Variants in SNAP91 observed in about 807,000 individuals in gnomAD.
SNAP91 encodes the protein clathrin coat assembly protein AP180.
In SNAP91, 27 loss-of-function variants were observed where a neutral mutation model predicts 100.3. That is an observed-to-expected ratio of 0.27 (90% CI 0.20 to 0.37). SNAP91 has a LOEUF of 0.37. Ranked by LOEUF, SNAP91 falls within the 10% of genes least tolerant of loss-of-function variation. SNAP91 has a pLI of 1.00. For synonymous variants in SNAP91, 404 were observed against 398.6 expected, an observed-to-expected ratio of 1.01 and a Z score of -0.16; for missense variants, 986 against 1,123.7, an observed-to-expected ratio of 0.88 and a Z score of 1.75.
intron 6 of SNAP91, among the ~76,000 whole-genome samples, chr6:83,657,240 G>T (rs1348715548): frequency 6.6e-6 from 1 of 151,998 alleles, no homozygotes; most frequent in African/African-American, 2.4e-5. Context: ...AGGCTCCAGG[G>T]GCCTGCAATG....
intron 25 of SNAP91, among the ~76,000 whole-genome samples, chr6:83,575,806 T>C (rs980055741): frequency 6.6e-6 from 1 of 152,184 alleles, no homozygotes; most frequent in Non-Finnish European, 1.5e-5. Flanking sequence ...ATCTCGGAGA[T>C]TGAAATAGAT....
chr6:83,643,293 G>A (rs28488663), intron 7 of SNAP91, among the ~76,000 whole-genome samples: 1 of 152,106 alleles, frequency 6.6e-6, no homozygotes, highest in African/African-American at 2.4e-5. Context: ...GTATTGCCTA[G>A]GTTTTCTTCT....
chr6:83,610,222 A>T (rs2095908507), intron 12 of SNAP91, among the ~76,000 whole-genome samples: 1 of 152,158 alleles, frequency 6.6e-6, no homozygotes, highest in South Asian at 2.1e-4. Context: ...CTACTGATGG[A>T]TGAATGCATG....
At chr6:83,673,162 A>C (rs1015062426) in intron 2 of SNAP91, among the ~76,000 whole-genome samples, 6 of 151,612 alleles carry the variant, frequency 4.0e-5, no homozygotes, top group Non-Finnish European at 5.9e-5. Flanking sequence ...TTTACATCTC[A>C]TTCCTTCCTT....
chr6:83,677,763 T>C (rs150531019), intron 2 of SNAP91, among the ~76,000 whole-genome samples: 2 of 152,314 alleles, frequency 1.3e-5, no homozygotes, highest in East Asian at 3.9e-4. Context: ...TTTGAGTGTT[T>C]TCTTATAAAT....
At chr6:83,557,656 A>C (rs1268022323) in intron 28 of SNAP91, among the ~76,000 whole-genome samples, 1 of 152,182 alleles carries the variant, frequency 6.6e-6, no homozygotes, top group Non-Finnish European at 1.5e-5. Context: ...CCTGGGCAAC[A>C]GAGTGAGAAC....
intron 11 of SNAP91, among the ~76,000 whole-genome samples, chr6:83,614,239 C>A (rs2096336727): frequency 6.6e-6 from 1 of 152,036 alleles, no homozygotes; most frequent in Non-Finnish European, 1.5e-5. Context: ...ACTTAGTAAA[C>A]CCACATAAAT....
At chr6:83,575,241 AT>A (rs1388830295) in intron 25 of SNAP91, 120 bp from the exon 26 acceptor site, 2 of 716,410 alleles carry the variant, frequency 2.8e-6, no homozygotes, top group African/African-American at 3.6e-5. Context: ...GTCAAGTGGT[AT>A]AGTAATAAGA....
intron 2 of SNAP91, among the ~76,000 whole-genome samples, chr6:83,672,085 C>G (rs2098795517): frequency 6.6e-6 from 1 of 152,132 alleles, no homozygotes; most frequent in South Asian, 2.1e-4. Context: ...TATACGGCCT[C>G]TCATCAGAAG....
chr6:83,569,662 T>C (rs1289552691), intron 26 of SNAP91, among the ~76,000 whole-genome samples: 1 of 152,190 alleles, frequency 6.6e-6, no homozygotes, highest in African/African-American at 2.4e-5. Context: ...CCAAGTCTCA[T>C]CTTGAATTCC....
At chr6:83,607,329 T>TTTTGTGTG (rs2095685633) in intron 13 of SNAP91, among the ~76,000 whole-genome samples, 1 of 144,792 alleles carries the variant, frequency 6.9e-6, no homozygotes, top group Admixed American at 6.9e-5. Context: ...CCAAGTTGGG[T>TTTTGTGTG]TGTGTGTGTG....
chr6:83,694,333 C>A (rs1479089617), intron 2 of SNAP91, among the ~76,000 whole-genome samples: 2 of 152,176 alleles, frequency 1.3e-5, no homozygotes, highest in Non-Finnish European at 2.9e-5. Flanking sequence ...CCTCTGTCAG[C>A]CAGATGCATA....
chr6:83,601,670 T>C (rs2095243313), intron 14 of SNAP91, 71 bp from the exon 15 acceptor site: 1 of 1,453,554 alleles, frequency 6.9e-7, no homozygotes, highest in African/African-American at 1.4e-5. Flanking sequence ...ACCATACCAA[T>C]GTCCAAGCCA....
chr6:83,682,689 C>T lies in SNAP91; in HGVS notation c.131-17108G>A, dbSNP rs899383258. On this transcript the variant is annotated intron_variant, in intron 2 of 29. Coordinates refer to ENST00000369694, the MANE Select transcript of SNAP91 (RefSeq NM_001242792.2). Reference sequence around the variant, plus strand: ...TGCTGGTGTGCTGCACCCATTAACTCGTCATTTAGCATTAGGTATATCTCC... The same window carrying T: ...TGCTGGTGTGCTGCACCCATTAACTTGTCATTTAGCATTAGGTATATCTCC... Among the ~76,000 whole-genome samples the T allele has an allele frequency of 5.4e-4, 82 of 151,646 alleles. 1 individual carries two copies. The highest frequency in any genetic ancestry group is 9.9e-4 in the Non-Finnish European group (67 of 67,890).
At chr6:83,656,902 CA>C (rs1562531804) in intron 6 of SNAP91, 37 bp from the exon 7 acceptor site, 1 of 942,326 alleles carries the variant, frequency 1.1e-6, no homozygotes, top group South Asian at 1.6e-5. Flanking sequence ...AGCGGCATAT[CA>C]TTAAGTCTTA....
chr6:83,562,584 T>C (rs1037611764), intron 26 of SNAP91, among the ~76,000 whole-genome samples: 1 of 152,208 alleles, frequency 6.6e-6, no homozygotes, highest in African/African-American at 2.4e-5. Context: ...CATCTAGATA[T>C]CTGCTTCATA....
chr6:83,595,780 T>C (rs936644605), intron 16 of SNAP91, among the ~76,000 whole-genome samples: 5 of 152,212 alleles, frequency 3.3e-5, no homozygotes, highest in Non-Finnish European at 7.4e-5. Context: ...GTGATTTACT[T>C]AGTATATTAG....
chr6:83,685,910 T>C (rs774898760), intron 2 of SNAP91, among the ~76,000 whole-genome samples: 4 of 152,188 alleles, frequency 2.6e-5, no homozygotes, highest in African/African-American at 9.7e-5. Flanking sequence ...TTTAAAAAAA[T>C]AGGTCTTTTT....
chr6:83,560,137 G>A lies in SNAP91; in HGVS notation c.2598C>T (p.Pro866=). ...CAGGTACAGCGGCAGCTCCAAAGGG[G>A]GGCCTCATCATGGGCTGTGCAAACA... ...PVMFAQPMMR[P]PFGAAAVPGT... is the part of the protein sequence containing the mutation. The change falls in exon 28 of 30, where the codon CCC becomes CCT. Residue 866 remains proline (P), a synonymous_variant. Coordinates refer to ENST00000369694, the MANE Select transcript of SNAP91 (RefSeq NM_001242792.2). 3 of 1,613,902 alleles carry A rather than the reference G, an allele frequency of 1.9e-6. No homozygotes were observed. Among genetic ancestry groups the A allele is most frequent in the South Asian group, 1.1e-5 (1 of 91,076 alleles).
Sources: gnomAD v4.1 joint callset for allele counts (sites outside exome capture counted in the v4.1 genomes callset) on GRCh38, gnomAD v4.1.1 for gene constraint, MANE v1.5 for transcripts, NCBI Gene and HGNC (gene_info 2026-07-23, HGNC 2026-07-21) for gene names.